Variants in NOL10 observed in about 807,000 individuals in gnomAD.
NOL10 encodes H_NH0074G24.1.
A neutral mutation model predicts 103.5 loss-of-function variants in NOL10; 58 were observed. The ratio of observed to expected loss-of-function variants is 0.56; its 90% CI spans 0.45 to 0.70. The LOEUF is 0.70. Among genes scored for constraint, NOL10 ranks in the 30% least tolerant of loss-of-function variants. NOL10 has a pLI of 0.00. For missense variants in NOL10, 763 were observed against 807.3 expected (o/e 0.95, Z 0.67); for synonymous variants, 287 against 282.5 (o/e 1.02, Z -0.16).
Position 10,602,891 on chromosome 2 carries a change from A to C in NOL10, c.1234-17T>G. Reference sequence around the variant, plus strand: ...CAGTTTCACCTTTTCAAAATGAAAAAAGTTTTTAAAATAAAAGAATGGTAT... The same window carrying C: ...CAGTTTCACCTTTTCAAAATGAAAACAGTTTTTAAAATAAAAGAATGGTAT... On this transcript the variant is annotated splice_polypyrimidine_tract_variant and intron_variant, in intron 15 of 20. Coordinates refer to ENST00000381685, the MANE Select transcript of NOL10 (RefSeq NM_024894.4). The C allele has an allele frequency of 6.5e-7, 1 of 1,539,464 alleles. No individual in the cohort carries two copies.
At chr2:10,667,405 C>G in intron 7 of NOL10, 127 bp from the exon 8 acceptor site, 1 of 713,162 alleles carries the variant, frequency 1.4e-6, no homozygotes, top group Non-Finnish European at 2.4e-6. Context: ...TTCTCTCTTA[C>G]TAATCTGCAA....
chr2:10,650,781 G>A (rs187994513), intron 12 of NOL10, among the ~76,000 whole-genome samples: 5 of 152,094 alleles, frequency 3.3e-5, no homozygotes, highest in Admixed American at 3.3e-4. Flanking sequence ...ATACAGACCA[G>A]GCGAAAAAAT....
At chr2:10,664,850 A>C (rs1008890166) in intron 8 of NOL10, among the ~76,000 whole-genome samples, 1 of 152,156 alleles carries the variant, frequency 6.6e-6, no homozygotes. Flanking sequence ...TTGTGTTTTT[A>C]AAAAAATGCT....
rs1680015731 is a variant in NOL10, at chr2:10,659,055, T to C, written c.756+117A>G. 3 of 719,342 alleles carry C rather than the reference T, an allele frequency of 4.2e-6. No individual in the cohort carries two copies. In the East Asian group the frequency reaches 8.1e-5, roughly 19 times the overall value. 44.6% of individuals were successfully genotyped at this position (719,342 alleles called of 1,614,324 possible). The stretch of plus-strand genomic sequence containing the variant: ...GAATCCAGCATTCTGGAATACCCTC[T>C]GGTCTGGCTAAAATAGTATGATCTC... On this transcript the variant is annotated intron_variant, in intron 10 of 20. Coordinates refer to ENST00000381685, the MANE Select transcript of NOL10 (RefSeq NM_024894.4).
At chr2:10,597,193 A>G (rs1008532043) in intron 17 of NOL10, among the ~76,000 whole-genome samples, 1 of 152,224 alleles carries the variant, frequency 6.6e-6, no homozygotes, top group Non-Finnish European at 1.5e-5. Context: ...ATGTCCATAT[A>G]ATACTGATTG....
intron 13 of NOL10, among the ~76,000 whole-genome samples, chr2:10,629,932 T>C (rs1677727511): frequency 6.6e-6 from 1 of 152,150 alleles, no homozygotes; most frequent in African/African-American, 2.4e-5. Flanking sequence ...AAACTACAAA[T>C]GCATACCACC....
Position 10,667,213 on chromosome 2 carries a change from C to A in NOL10, c.591+5G>T. 2 of 1,570,100 alleles carry A rather than the reference C, an allele frequency of 1.3e-6. No homozygotes were observed. Among genetic ancestry groups the A allele is most frequent in the Non-Finnish European group, 1.7e-6 (2 of 1,154,198 alleles). ...TTCTAAAAAATAAAGTCAACATATG[C>A]TTACCTCTATGGTTCCTGTGGCAAA... On this transcript the variant is annotated splice_donor_5th_base_variant and intron_variant, in intron 8 of 20. Coordinates refer to ENST00000381685, the MANE Select transcript of NOL10 (RefSeq NM_024894.4).
At chr2:10,641,002 G>A (rs756867018) in intron 13 of NOL10, among the ~76,000 whole-genome samples, 3 of 151,588 alleles carry the variant, frequency 2.0e-5, no homozygotes, top group Non-Finnish European at 4.4e-5. Context: ...TGGCCAATAT[G>A]GTGAAACCCC....
At position 10,582,782 on chromosome 2, in the gene NOL10, C is replaced by A. The variant is rs573245941; in HGVS notation, c.1845-5044G>T. ...ATCAACTGACTCAATTCTCTCCATT[C>A]CTTACTACCCACTTTCTGTGGCTGA... On this transcript the variant is annotated intron_variant, in intron 19 of 20. Coordinates refer to ENST00000381685, the MANE Select transcript of NOL10 (RefSeq NM_024894.4). Among the ~76,000 whole-genome samples the A allele has an allele frequency of 3.9e-5, 6 of 152,328 alleles. No homozygotes were observed. The South Asian group carries it at 1.2e-3, about 32-fold the overall frequency.
chr2:10,615,551 T>A (rs531636027), intron 13 of NOL10, among the ~76,000 whole-genome samples: 1 of 152,360 alleles, frequency 6.6e-6, no homozygotes, highest in African/African-American at 2.4e-5. Context: ...TGGTTAATAG[T>A]GGTACCCCCA....
intron 14 of NOL10, among the ~76,000 whole-genome samples, chr2:10,605,989 T>G (rs1385505307): frequency 6.6e-6 from 1 of 152,190 alleles, no homozygotes; most frequent in African/African-American, 2.4e-5. Context: ...TAAGTTGCCT[T>G]GCCTTGTATA....
chr2:10,688,592 C>G (rs1682382507), intron 1 of NOL10, among the ~76,000 whole-genome samples: 1 of 152,232 alleles, frequency 6.6e-6, no homozygotes, highest in Admixed American at 6.5e-5. Flanking sequence ...AAAACACTTT[C>G]TCTCAATATT....
chr2:10,578,996 T>A (rs992826170), intron 19 of NOL10, among the ~76,000 whole-genome samples: 2 of 152,218 alleles, frequency 1.3e-5, no homozygotes, highest in African/African-American at 4.8e-5. Context: ...CTGAACTGTG[T>A]GAAAGAGTCT....
chr2:10,652,606 C>T (rs1300667779), intron 12 of NOL10, among the ~76,000 whole-genome samples: 2 of 152,094 alleles, frequency 1.3e-5, no homozygotes, highest in African/African-American at 4.8e-5. Context: ...CTTCAAAAAC[C>T]GTGGGGCCTG....
chr2:10,669,516 AC>A (rs1680790923), intron 6 of NOL10, among the ~76,000 whole-genome samples: 2 of 8,804 alleles, frequency 2.3e-4, no homozygotes, highest in South Asian at 2.0e-3. Context: ...ACATATATAC[AC>A]ACACACACAC....
intron 14 of NOL10, chr2:10,604,727 A>C (rs574202027): frequency 2.0e-5 from 3 of 152,326 alleles, no homozygotes; most frequent in African/African-American, 7.2e-5. Flanking sequence ...AACCAAGTGA[A>C]GCGCTTTTCA....
intron 16 of NOL10, among the ~76,000 whole-genome samples, chr2:10,602,542 T>A: frequency 6.6e-6 from 1 of 152,208 alleles, no homozygotes; most frequent in Non-Finnish European, 1.5e-5. Context: ...TCTAGCATTA[T>A]GTCCCACAGT....
chr2:10,663,724 G>A (rs4574081), intron 8 of NOL10, among the ~76,000 whole-genome samples: 2 of 151,730 alleles, frequency 1.3e-5, no homozygotes, highest in African/African-American at 2.4e-5. Context: ...CCAAGATGGG[G>A]AGATCACGAG....
chr2:10,677,773 T>C (rs990688063), intron 3 of NOL10, among the ~76,000 whole-genome samples: 2 of 151,630 alleles, frequency 1.3e-5, no homozygotes, highest in Non-Finnish European at 2.9e-5. Context: ...GCACCCAGCT[T>C]AAAAAAGAGA....
Sources: gnomAD v4.1 joint callset for allele counts (sites outside exome capture counted in the v4.1 genomes callset) on GRCh38, gnomAD v4.1.1 for gene constraint, MANE v1.5 for transcripts, NCBI Gene and HGNC (gene_info 2026-07-23, HGNC 2026-07-21) for gene names.